The following KAZN variants were observed in gnomAD, a reference collection of about 807,000 sequenced individuals.
The protein encoded by KAZN is kazrin.
A neutral mutation model predicts 87.4 loss-of-function variants in KAZN; 40 were observed. That is an observed-to-expected ratio of 0.46 (90% CI 0.36 to 0.60). The LOEUF (loss-of-function observed/expected upper bound fraction) is 0.60, where lower values mean the gene tolerates loss of function less well. Among genes scored for constraint, KAZN ranks in the 20% least tolerant of loss-of-function variants. The pLI, the probability that KAZN is intolerant of heterozygous loss-of-function variation, is 0.00. For synonymous variants in KAZN, 466 were observed against 458.3 expected (o/e 1.02, Z -0.22); for missense variants, 898 against 1,073.9 (o/e 0.84, Z 2.29).
chr1:14,124,040 G>A (rs965560787), intron 1 of KAZN, among the ~76,000 whole-genome samples: 2 of 152,050 alleles, frequency 1.3e-5, no homozygotes, highest in East Asian at 1.9e-4. Context: ...TTTCTATGAC[G>A]ACTTTTCCCT....
intron 1 of KAZN, among the ~76,000 whole-genome samples, chr1:14,886,461 CACAGAG>C (rs1343500311): frequency 1.3e-5 from 2 of 148,666 alleles, no homozygotes; most frequent in Non-Finnish European, 1.5e-5. Flanking sequence ...CACACACACA[CACAGAG>C]AGAGACAGAG....
chr1:15,060,256 C>A lies in KAZN; in HGVS notation c.1001C>A (p.Pro334Gln). ...SAAEGDRSST[P>Q]SDINSPRHRT... ...GCCGAAGGCGACCGGTCGTCCACAC[C>A]GAGCGACATCAACTCCCCTCGACAC... Residue 334 changes from proline (P) to glutamine (Q), a missense_variant, in exon 6 of 15, where the codon CCG becomes CAG. Physicochemically the swap from Pro to Gln is moderately conservative, Grantham distance 76 (BLOSUM62 -1). Transcript: ENST00000376030. 1.2e-6 allele frequency: 2 copies of A among 1,614,232 alleles called. No individual in the cohort carries two copies. Among genetic ancestry groups the A allele is most frequent in the Non-Finnish European group, 1.7e-6 (2 of 1,180,044 alleles).
chr1:14,226,204 TAACAAGCAA>T (rs1557575314), intron 2 of KAZN, among the ~76,000 whole-genome samples: 1 of 151,934 alleles, frequency 6.6e-6, no homozygotes, highest in Non-Finnish European at 1.5e-5. Flanking sequence ...TTAAGCAAAT[TAACAAGCAA>T]AACCCAAACA....
rs1642503183 is a variant in KAZN at position 14,711,831 on chromosome 1, AG to A, written c.226+112610del. Among the ~76,000 whole-genome samples the A allele has an allele frequency of 2.0e-5, 3 of 152,206 alleles. No individual in the cohort carries two copies. The South Asian group carries it at 6.2e-4, about 32-fold the overall frequency. ...CAGCCTGTGAGAGACCCCGGGACAA[AG>A]GACTCAGAGGGCCCAAAAGTCTGCG... On this transcript the variant is annotated intron_variant, in intron 1 of 14. Transcript: ENST00000376030.
chr1:14,842,361 G>T (rs893806553), intron 1 of KAZN, among the ~76,000 whole-genome samples: 1 of 152,130 alleles, frequency 6.6e-6, no homozygotes, highest in Non-Finnish European at 1.5e-5. Flanking sequence ...TAATAGACAC[G>T]CAGGATCAAG....
At chr1:14,088,729 G>A (rs2101612102) in intron 1 of KAZN, among the ~76,000 whole-genome samples, 1 of 152,000 alleles carries the variant, frequency 6.6e-6, no homozygotes. Context: ...ATTGAGAGAA[G>A]AATATTGAGG....
At chr1:14,077,275 T>C (rs1643499641) in intron 1 of KAZN, among the ~76,000 whole-genome samples, 1 of 152,168 alleles carries the variant, frequency 6.6e-6, no homozygotes, top group South Asian at 2.1e-4. Context: ...ATGCCGTTGG[T>C]GGGACTCTTC....
chr1:14,112,096 A>G (rs930346038), intron 1 of KAZN, among the ~76,000 whole-genome samples: 1 of 135,658 alleles, frequency 7.4e-6, no homozygotes, highest in African/African-American at 2.8e-5. Context: ...CTCCAGGCTT[A>G]GAGGGTCTGC....
At chr1:14,272,441 G>A (rs965039393) in intron 2 of KAZN, among the ~76,000 whole-genome samples, 2 of 152,208 alleles carry the variant, frequency 1.3e-5, no homozygotes, top group Non-Finnish European at 2.9e-5. Flanking sequence ...AAATGTTACT[G>A]TGTAGCAAAT....
intron 1 of KAZN, among the ~76,000 whole-genome samples, chr1:14,176,210 G>A (rs1646071397): frequency 6.6e-6 from 1 of 151,998 alleles, no homozygotes; most frequent in African/African-American, 2.4e-5. Context: ...TTCTGTTTGG[G>A]TTCTCAGGGA....
At chr1:14,758,293 A>G (rs2100530474) in intron 1 of KAZN, among the ~76,000 whole-genome samples, 1 of 151,710 alleles carries the variant, frequency 6.6e-6, no homozygotes, top group South Asian at 2.1e-4. Context: ...AGCCTCCTGA[A>G]CAGCTGAGAC....
At position 15,060,232 on chromosome 1, in the gene KAZN, C is replaced by T; in HGVS notation, c.977C>T (p.Ala326Val). ...TCTGTCATCTCCGACGCATCTGCCG[C>T]CGAAGGCGACCGGTCGTCCACACCG... Reference protein sequence around the residue: ...QPSVISDASAAEGDRSSTPSD... With the variant: ...QPSVISDASAVEGDRSSTPSD... Residue 326 changes from alanine to valine, a missense_variant, in exon 6 of 15, where the codon GCC (alanine) becomes GTC (valine). Around this residue, in one of 3 missense-constraint regions of KAZN, gnomAD observed 521 missense variants for 689.4 expected, o/e 0.76. Coordinates refer to ENST00000376030, the MANE Select transcript of KAZN (RefSeq NM_201628.3). The T allele has an allele frequency of 6.2e-7, 1 of 1,614,254 alleles. No individual in the cohort carries two copies.
At chr1:14,567,695 A>C (rs1674626193) in intron 2 of KAZN, among the ~76,000 whole-genome samples, 1 of 152,222 alleles carries the variant, frequency 6.6e-6, no homozygotes, top group Non-Finnish European at 1.5e-5. Flanking sequence ...ATATTCAAAA[A>C]CATATACTTA....
In KAZN at chr1:15,009,388, G is replaced by A. The variant is rs150852710; in HGVS notation, c.419-25361G>A. 5.1e-3 allele frequency among the ~76,000 whole-genome samples: 772 copies of A among 152,330 alleles called. 6 individuals are homozygous for A. The highest frequency in any genetic ancestry group is 7.7e-3 in the Non-Finnish European group (523 of 68,040). ...AGCGCCATCCCAGCTCCCAGAGCACGCTGAGCACCAGGAAGGCCAGGAGGG... is the reference window on the plus strand; with the variant it reads ...AGCGCCATCCCAGCTCCCAGAGCACACTGAGCACCAGGAAGGCCAGGAGGG... On this transcript the variant is annotated intron_variant, in intron 2 of 14. Coordinates refer to ENST00000376030, the MANE Select transcript of KAZN (RefSeq NM_201628.3).
chr1:14,189,186 C>A lies in KAZN; in HGVS notation c.249+8594C>A, dbSNP rs551755822. The stretch of plus-strand genomic sequence containing the variant: ...AGTAGTTTAATAATGAGATGGTGAC[C>A]TGGCTATTTTAAGTACTCACTTATT... On this transcript the variant is annotated intron_variant, in intron 2 of 16. Transcript: ENST00000636203. Among the ~76,000 whole-genome samples, 184 of 152,222 alleles carry A rather than the reference C, an allele frequency of 1.2e-3. 1 individual carries two copies. Among genetic ancestry groups the A allele is most frequent in the Admixed American group, 1.8e-3 (28 of 15,278 alleles).
intron 2 of KAZN, among the ~76,000 whole-genome samples, chr1:14,992,372 G>A (rs1182719422): frequency 2.6e-5 from 4 of 152,146 alleles, no homozygotes; most frequent in South Asian, 4.1e-4. Context: ...CCCTCACCCC[G>A]TGTGAGCACC....
intron 1 of KAZN, among the ~76,000 whole-genome samples, chr1:14,780,018 T>C (rs1250977382): frequency 1.3e-5 from 2 of 152,238 alleles, no homozygotes; most frequent in African/African-American, 2.4e-5. Flanking sequence ...ACAAGCTTTG[T>C]CTCATTAATT....
intron 1 of KAZN, among the ~76,000 whole-genome samples, chr1:14,640,961 G>A (rs1680366476): frequency 6.6e-6 from 1 of 152,208 alleles, no homozygotes; most frequent in Non-Finnish European, 1.5e-5. Context: ...TGAGCTGGCT[G>A]TATTCTTGGG....
chr1:15,072,673 T>G (rs1639566049), intron 8 of KAZN, among the ~76,000 whole-genome samples: 1 of 152,204 alleles, frequency 6.6e-6, no homozygotes, highest in Non-Finnish European at 1.5e-5. Flanking sequence ...CATCCCCAGT[T>G]TACAGATGAA....
Sources: allele counts gnomAD v4.1 joint callset (sites outside exome capture counted in the v4.1 genomes callset), GRCh38; gene constraint gnomAD v4.1.1; regional missense constraint gnomAD v4.1.1; transcripts MANE v1.5; gene names NCBI Gene and HGNC (gene_info 2026-07-23, HGNC 2026-07-21).